Variants in PHLPP2 observed in about 807,000 individuals in gnomAD.
The protein encoded by PHLPP2 is PH domain leucine-rich repeat-containing protein phosphatase 2.
PHLPP2 carries 66 observed loss-of-function variants against 124.9 expected under a neutral mutation model. The ratio of observed to expected loss-of-function variants is 0.53; its 90% CI spans 0.43 to 0.65. PHLPP2 has a LOEUF of 0.65. PHLPP2 is among the 30% of genes least tolerant of loss of function. PHLPP2 has a pLI of 0.00. For synonymous variants in PHLPP2, 681 were observed against 624.7 expected, an observed-to-expected ratio of 1.09 and a Z score of -1.34; for missense variants, 1,685 against 1,600.4, an observed-to-expected ratio of 1.05 and a Z score of -0.90.
chr16:71,714,703 G>C lies in PHLPP2; in HGVS notation c.93C>G (p.Gly31=). 5 of 1,614,066 alleles carry C rather than the reference G, an allele frequency of 3.1e-6. No individual in the cohort carries two copies. Among genetic ancestry groups the C allele is most frequent in the Non-Finnish European group, 4.2e-6 (5 of 1,179,972 alleles). ...RDWLREDVKR[G]CVYLYGADTT... ...TGTCTGCTCCATAAAGGTAAACACA[G>C]CCTCTCTTTACATCTTCTCTTAGCC... is the stretch of plus-strand genomic sequence containing the variant. Residue 31 remains glycine (G), a synonymous_variant, in exon 2 of 19, where the codon GGC becomes GGG. Transcript: ENST00000568954.
At chr16:71,673,418 T>G (rs1395903045) in intron 9 of PHLPP2, among the ~76,000 whole-genome samples, 1 of 152,232 alleles carries the variant, frequency 6.6e-6, no homozygotes, top group Non-Finnish European at 1.5e-5. Flanking sequence ...CCCTGATGAC[T>G]AGTCAAGTTC....
rs550837888 is a variant in PHLPP2, at chr16:71,676,560, T to C, written c.1358A>G (p.Asp453Gly). The C allele has an allele frequency of 2.4e-5, 39 of 1,613,942 alleles. No individual in the cohort carries two copies. In the Admixed American group the frequency reaches 3.2e-4, roughly 13 times the overall value. Residue 453 changes from aspartate to glycine, a missense_variant, in exon 9 of 19, where the codon GAC becomes GGC. Asp to Gly is a moderately conservative substitution (Grantham distance 94, BLOSUM62 -1). Transcript: ENST00000568954. ...GCTGCATAAGGAGCTAAGATCCAAGTCAGTCAGTCGGTTGTCCCGCAGATC... is the reference window on the plus strand; with the variant it reads ...GCTGCATAAGGAGCTAAGATCCAAGCCAGTCAGTCGGTTGTCCCGCAGATC... The part of the protein sequence containing the change: ...HVDLRDNRLT[D>G]LDLSSLCSLE...
chr16:71,703,633 G>A (rs1255682661), intron 2 of PHLPP2, among the ~76,000 whole-genome samples: 4 of 151,824 alleles, frequency 2.6e-5, no homozygotes, highest in South Asian at 2.1e-4. Context: ...TAAACGTATA[G>A]GCTCCAACAG....
chr16:71,654,393 T>C (rs1207652511), intron 17 of PHLPP2, among the ~76,000 whole-genome samples: 2 of 152,142 alleles, frequency 1.3e-5, no homozygotes, highest in Non-Finnish European at 2.9e-5. Flanking sequence ...TTAAGATTTT[T>C]TGACTTCACG....
In PHLPP2 at chr16:71,649,447, A is replaced by G; in HGVS notation, c.3415T>C (p.Ser1139Pro). The G allele has an allele frequency of 2.5e-6, 4 of 1,614,016 alleles. No individual in the cohort carries two copies. Among genetic ancestry groups the G allele is most frequent in the Non-Finnish European group, 3.4e-6 (4 of 1,179,994 alleles). Reference protein sequence around the residue: ...FQRQPSSATFSSNQSDNGLDS... With the variant: ...FQRQPSSATFPSNQSDNGLDS... ...AGGCCGTTGTCAGACTGGTTACTGG[A>G]GAAGGTAGCAGAAGAAGGCTGGCGC... The change falls in exon 19 of 19, where the codon TCC becomes CCC. Residue 1139 changes from serine to proline, a missense_variant. Coordinates refer to ENST00000568954, the MANE Select transcript of PHLPP2 (RefSeq NM_015020.3).
At chr16:71,691,507 ATAAATAAG>A (rs1280023867) in intron 3 of PHLPP2, among the ~76,000 whole-genome samples, 1 of 134,796 alleles carries the variant, frequency 7.4e-6, no homozygotes, top group Non-Finnish European at 1.6e-5. Flanking sequence ...AAATAAATAA[ATAAATAAG>A]GAATATAAAA....
chr16:71,711,986 C>T (rs2045327333), intron 2 of PHLPP2, among the ~76,000 whole-genome samples: 1 of 152,246 alleles, frequency 6.6e-6, no homozygotes, highest in Non-Finnish European at 1.5e-5. Flanking sequence ...CATCATCTAC[C>T]TTGAATGATT....
At chr16:71,712,492 A>G (rs1425449147) in intron 2 of PHLPP2, among the ~76,000 whole-genome samples, 2 of 152,340 alleles carry the variant, frequency 1.3e-5, no homozygotes, top group Non-Finnish European at 1.5e-5. Context: ...ACATTACTAT[A>G]CAAATGAATA....
chr16:71,711,842 G>C (rs1257198237), intron 2 of PHLPP2, among the ~76,000 whole-genome samples: 1 of 152,164 alleles, frequency 6.6e-6, no homozygotes, highest in African/African-American at 2.4e-5. Flanking sequence ...ATGTAAAACT[G>C]ATCATAAACA....
chr16:71,679,573 T>A, intron 6 of PHLPP2, 38 bp from the exon 7 acceptor site: 1 of 1,554,002 alleles, frequency 6.4e-7, no homozygotes, highest in Non-Finnish European at 8.9e-7. Context: ...TGCATTTCAA[T>A]ACATCTATTA....
At chr16:71,685,085 T>C (rs2045041360) in intron 4 of PHLPP2, among the ~76,000 whole-genome samples, 2 of 152,148 alleles carry the variant, frequency 1.3e-5, no homozygotes, top group South Asian at 4.1e-4. Flanking sequence ...CCCAGCACTT[T>C]GGGAGGCCGA....
chr16:71,694,508 A>G (rs2045149020), intron 3 of PHLPP2, among the ~76,000 whole-genome samples: 1 of 152,252 alleles, frequency 6.6e-6, no homozygotes, highest in Non-Finnish European at 1.5e-5. Context: ...ACTAAATAAA[A>G]ATTTTAAACT....
Position 71,649,011 on chromosome 16 carries a change from G to A in PHLPP2, c.3851C>T (p.Pro1284Leu), listed in dbSNP as rs751079826. The A allele has an allele frequency of 1.2e-6, 2 of 1,614,052 alleles. No homozygotes were observed. Among genetic ancestry groups the A allele is most frequent in the East Asian group, 2.2e-5 (1 of 44,868 alleles). ...QMEPEDQFVV[P>L]HDLEEEVKEQ... Reference sequence around the variant, plus strand: ...CTTCACTTCTTCTTCCAGGTCATGAGGCACAACAAACTGGTCCTCTGGTTC... The same window carrying A: ...CTTCACTTCTTCTTCCAGGTCATGAAGCACAACAAACTGGTCCTCTGGTTC... Residue 1284 changes from proline (P) to leucine (L), a missense_variant, in exon 19 of 19, where the codon CCT (proline) becomes CTT (leucine). Coordinates refer to ENST00000568954, the MANE Select transcript of PHLPP2 (RefSeq NM_015020.3).
intron 12 of PHLPP2, among the ~76,000 whole-genome samples, chr16:71,665,183 G>A (rs1160095172): frequency 6.6e-6 from 1 of 151,820 alleles, no homozygotes; most frequent in Non-Finnish European, 1.5e-5. Flanking sequence ...GCGGCACATG[G>A]CTGTAATCCC....
rs950343495 is a variant in PHLPP2, at chr16:71,667,197, G to A, written c.1765C>T (p.Leu589Phe). 2.5e-6 allele frequency: 4 copies of A among 1,613,220 alleles called. No individual in the cohort carries two copies. The highest frequency in any genetic ancestry group is 1.3e-5 in the African/African-American group (1 of 74,970). ...HNALTRLPDT[L>F]FSKALNLRYL... The stretch of plus-strand genomic sequence containing the variant: ...ACTTACTTTAAGGCCTTGGAGAAGA[G>A]GGTGTCTGGCAGCCTCGTGAGTGCA... The change falls in exon 12 of 19, where the codon CTC becomes TTC. Residue 589 changes from leucine (L) to phenylalanine (F), a missense_variant. Leu to Phe is a conservative substitution (Grantham distance 22). Coordinates refer to ENST00000568954, the MANE Select transcript of PHLPP2 (RefSeq NM_015020.3).
chr16:71,661,707 G>A (rs1049318148), intron 13 of PHLPP2, among the ~76,000 whole-genome samples: 3 of 152,070 alleles, frequency 2.0e-5, no homozygotes, highest in African/African-American at 7.2e-5. Flanking sequence ...AGGCACAGTG[G>A]TTCACACCTA....
chr16:71,703,664 C>G (rs2045251762), intron 2 of PHLPP2, among the ~76,000 whole-genome samples: 1 of 152,192 alleles, frequency 6.6e-6, no homozygotes, highest in Non-Finnish European at 1.5e-5. Context: ...GGGTTCAAGT[C>G]TTAGTCCTGC....
chr16:71,657,028 C>T (rs1439941830), intron 15 of PHLPP2, among the ~76,000 whole-genome samples: 3 of 151,998 alleles, frequency 2.0e-5, no homozygotes, highest in Non-Finnish European at 2.9e-5. Flanking sequence ...CTGCAACCTT[C>T]GCTTCCTGAG....
intron 4 of PHLPP2, 161 bp from the exon 5 acceptor site, chr16:71,684,762 C>T (rs1358640117): frequency 1.2e-5 from 7 of 601,404 alleles, no homozygotes; most frequent in South Asian, 1.0e-4. Flanking sequence ...ATGGGTCACA[C>T]ATGAACACAC....
Sources: gnomAD v4.1 joint callset for allele counts (sites outside exome capture counted in the v4.1 genomes callset) on GRCh38, gnomAD v4.1.1 for gene constraint, MANE v1.5 for transcripts, NCBI Gene and HGNC (gene_info 2026-07-23, HGNC 2026-07-21) for gene names.